The following FRMD6 variants were observed in gnomAD, a reference collection of about 807,000 sequenced individuals.
The protein encoded by FRMD6 is FERM domain containing 6.
A neutral mutation model predicts 73.2 loss-of-function variants in FRMD6; 37 were observed. The observed-to-expected ratio is 0.51, with a 90% confidence interval of 0.39 to 0.66. The LOEUF is 0.66. FRMD6 is among the 30% of genes least tolerant of loss of function. The pLI, the probability that FRMD6 is intolerant of heterozygous loss-of-function variation, is 0.00. For synonymous variants in FRMD6, 273 were observed against 282.2 expected (o/e 0.97, Z 0.33); for missense variants, 714 against 780.5 (o/e 0.91, Z 1.02).
In FRMD6 at chr14:51,727,309, G is replaced by GAA. The variant is rs548953904; in HGVS notation, c.1585-426_1585-425dup. Among the ~76,000 whole-genome samples, 1,372 of 145,218 alleles carry GAA rather than the reference G, an allele frequency of 9.4e-3. 26 individuals carry two copies. The highest frequency in any genetic ancestry group is 0.031 in the African/African-American group (1,243 of 39,744). On this transcript the variant is annotated intron_variant, in intron 13 of 13. Coordinates refer to ENST00000344768, the MANE Select transcript of FRMD6 (RefSeq NM_001267046.2). ...AAGGTCTGAATTGCCATATCCTACT[G>GAA]AAAAAAAAAAAGGAAGCCATGTCTT...
intron 1 of FRMD6, among the ~76,000 whole-genome samples, chr14:51,532,165 G>C (rs557059349): frequency 2.6e-5 from 4 of 151,958 alleles, no homozygotes; most frequent in Non-Finnish European, 5.9e-5. Context: ...TCAGAAGATC[G>C]AGACCATCCT....
chr14:51,624,211 C>T (rs143421649), intron 2 of FRMD6, among the ~76,000 whole-genome samples: 1 of 152,138 alleles, frequency 6.6e-6, no homozygotes, highest in Admixed American at 6.5e-5. Flanking sequence ...GGCTTAATAC[C>T]TGCTGGGTGG....
chr14:51,618,363 T>C (rs908784878), intron 2 of FRMD6, among the ~76,000 whole-genome samples: 20 of 152,146 alleles, frequency 1.3e-4, no homozygotes, highest in African/African-American at 4.3e-4. Context: ...GCAAGAGATC[T>C]AGACCTATGT....
the FRMD6 span, chr14:51,436,761 GAGA>G: frequency 1.9e-6 from 1 of 539,474 alleles, no homozygotes; most frequent in African/African-American, 1.9e-5. Context: ...GATGAAGAAG[GAGA>G]AGGAGAAGAT....
intron 1 of FRMD6, among the ~76,000 whole-genome samples, chr14:51,689,234 G>A (rs1895381117): frequency 6.6e-6 from 1 of 152,226 alleles, no homozygotes; most frequent in East Asian, 1.9e-4. Context: ...TGAAGGAAGT[G>A]TAAGCCAGAC....
intron 1 of FRMD6, among the ~76,000 whole-genome samples, chr14:51,683,991 A>C (rs1466961769): frequency 1.3e-5 from 2 of 152,166 alleles, no homozygotes; most frequent in Non-Finnish European, 2.9e-5. Flanking sequence ...TTTCCAGAGT[A>C]TTTGGCTCCA....
At chr14:51,705,072 T>C (rs1896544215) in intron 6 of FRMD6, 137 bp downstream of exon 6, 2 of 709,354 alleles carry the variant, frequency 2.8e-6, no homozygotes, top group Admixed American at 2.9e-5. Context: ...AGATATTTAA[T>C]GCTTAAGAAC....
At chr14:51,661,513 T>TC (rs923934424) in intron 1 of FRMD6, among the ~76,000 whole-genome samples, 3 of 152,186 alleles carry the variant, frequency 2.0e-5, no homozygotes, top group African/African-American at 4.8e-5. Flanking sequence ...CCTGGATGCT[T>TC]CATCTTTTAG....
chr14:51,491,620 C>T (rs1378649172), intron 1 of FRMD6: 1 of 152,142 alleles, frequency 6.6e-6, no homozygotes. Flanking sequence ...ATCCCCATTT[C>T]ATAGAAACAA....
At chr14:51,701,730 CTT>C (rs1896336396) in intron 4 of FRMD6, among the ~76,000 whole-genome samples, 1 of 151,104 alleles carries the variant, frequency 6.6e-6, no homozygotes, top group Non-Finnish European at 1.5e-5. Context: ...TGGATAATAA[CTT>C]TAGTAATCTT....
chr14:51,519,626 C>A (rs1475443799), intron 1 of FRMD6, among the ~76,000 whole-genome samples: 1 of 152,104 alleles, frequency 6.6e-6, no homozygotes, highest in Non-Finnish European at 1.5e-5. Flanking sequence ...CAGGACAAAC[C>A]CAACTTTTCA....
At chr14:51,493,491 T>G (rs544159870) in intron 1 of FRMD6, among the ~76,000 whole-genome samples, 1 of 152,280 alleles carries the variant, frequency 6.6e-6, no homozygotes, top group Admixed American at 6.5e-5. Flanking sequence ...CCCCTGCACA[T>G]GCTCTCTCTC....
chr14:51,639,820 T>C (rs914318802), intron 2 of FRMD6, among the ~76,000 whole-genome samples: 4 of 152,198 alleles, frequency 2.6e-5, no homozygotes, highest in African/African-American at 7.2e-5. Flanking sequence ...ATGTAAAATA[T>C]AGAGATATCT....
At chr14:51,529,458 TATC>T (rs1470294005) in intron 1 of FRMD6, among the ~76,000 whole-genome samples, 2 of 152,020 alleles carry the variant, frequency 1.3e-5, no homozygotes. Context: ...CACACATATT[TATC>T]ATCATACACA....
intron 1 of FRMD6, among the ~76,000 whole-genome samples, chr14:51,552,103 T>A (rs1886872696): frequency 6.6e-6 from 1 of 152,216 alleles, no homozygotes; most frequent in Non-Finnish European, 1.5e-5. Flanking sequence ...CTAATGTAAT[T>A]TTTGTGTAAA....
At chr14:51,669,383 T>C (rs1893834578) in intron 1 of FRMD6, among the ~76,000 whole-genome samples, 1 of 152,222 alleles carries the variant, frequency 6.6e-6, no homozygotes, top group Admixed American at 6.5e-5. Flanking sequence ...GGGACATAGC[T>C]TTTCATTTCT....
At chr14:51,691,855 A>C (rs1358631115) in intron 2 of FRMD6, among the ~76,000 whole-genome samples, 1 of 152,142 alleles carries the variant, frequency 6.6e-6, no homozygotes. Flanking sequence ...TCAGCCTCCC[A>C]AAGTGCTAGG....
intron 1 of FRMD6, among the ~76,000 whole-genome samples, chr14:51,658,323 C>CTT (rs869194626): frequency 6.9e-6 from 1 of 144,100 alleles, no homozygotes; most frequent in African/African-American, 2.6e-5. Context: ...TGCCTTTTCC[C>CTT]TTTTTTCTCT....
intron 1 of FRMD6, among the ~76,000 whole-genome samples, chr14:51,495,911 T>A (rs1883264183): frequency 6.6e-6 from 1 of 152,176 alleles, no homozygotes; most frequent in Admixed American, 6.5e-5. Flanking sequence ...TATTTATTGG[T>A]TTAGGTGGTC....
Sources: allele counts gnomAD v4.1 joint callset (sites outside exome capture counted in the v4.1 genomes callset), GRCh38; gene constraint gnomAD v4.1.1; transcripts MANE v1.5; gene names NCBI Gene and HGNC (gene_info 2026-07-23, HGNC 2026-07-21).